UBAP2: variants seen among roughly 807,000 people sequenced by gnomAD.
The protein encoded by UBAP2 is ubiquitin associated protein 2, also known as ubiquitin-associated protein 2.
A neutral mutation model predicts 139.6 loss-of-function variants in UBAP2; 75 were observed. The ratio of observed to expected loss-of-function variants is 0.54; its 90% CI spans 0.45 to 0.65. UBAP2 has a LOEUF of 0.65. Among genes scored for constraint, UBAP2 ranks in the 30% least tolerant of loss-of-function variants. UBAP2 has a pLI of 0.00. For synonymous variants in UBAP2, 526 were observed against 526.2 expected (o/e 1.00, Z 0.01); for missense variants, 1,368 against 1,369.6 (o/e 1.00, Z 0.02).
intron 6 of UBAP2, among the ~76,000 whole-genome samples, chr9:33,975,187 T>G (rs751530362): frequency 4.0e-5 from 6 of 151,512 alleles, no homozygotes; most frequent in Non-Finnish European, 7.4e-5. Flanking sequence ...ATCCCAGCAC[T>G]TTGGGAGGCC....
intron 1 of UBAP2, among the ~76,000 whole-genome samples, chr9:34,043,320 C>G (rs1280790290): frequency 6.6e-6 from 1 of 151,798 alleles, no homozygotes; most frequent in Non-Finnish European, 1.5e-5. Context: ...TACAAGCACA[C>G]CATGCCCAGC....
At chr9:33,935,793 T>C (rs781235654) in intron 17 of UBAP2, 46 bp downstream of exon 17, 4 of 1,611,388 alleles carry the variant, frequency 2.5e-6, no homozygotes, top group Non-Finnish European at 2.5e-6. Flanking sequence ...CTTCCTCTGT[T>C]TGGTTGGCAC....
At chr9:33,931,444 T>A (rs773025266) in intron 19 of UBAP2, among the ~76,000 whole-genome samples, 1 of 152,052 alleles carries the variant, frequency 6.6e-6, no homozygotes, top group Non-Finnish European at 1.5e-5. Context: ...CAGCTCCCCA[T>A]GAGTGCAGGA....
At chr9:33,926,706 A>G in intron 21 of UBAP2, 42 bp from the exon 22 acceptor site, 1 of 1,609,948 alleles carries the variant, frequency 6.2e-7, no homozygotes, top group Non-Finnish European at 8.5e-7. Flanking sequence ...ACCACATACC[A>G]CACCCTGGGA....
chr9:34,013,433 G>C, intron 2 of UBAP2, among the ~76,000 whole-genome samples: 1 of 151,510 alleles, frequency 6.6e-6, no homozygotes, highest in South Asian at 2.1e-4. Flanking sequence ...AGAGGTTGCA[G>C]TGAGCTGACA....
chr9:33,999,931 T>C (rs1822555645), intron 2 of UBAP2, among the ~76,000 whole-genome samples: 1 of 151,332 alleles, frequency 6.6e-6, no homozygotes, highest in Admixed American at 6.6e-5. Context: ...AGTCACACTC[T>C]GTCGCCCAGG....
intron 15 of UBAP2, 23 bp from the exon 16 acceptor site, chr9:33,941,885 A>G: frequency 6.4e-7 from 1 of 1,572,316 alleles, no homozygotes; most frequent in Non-Finnish European, 8.7e-7. Context: ...AAAAATATTC[A>G]ACATAATTTT....
chr9:33,956,140 C>A lies in UBAP2; in HGVS notation c.805G>T (p.Glu269Ter). ...TTEDWTEDLSETKVFTASSAP... is the reference protein window; with the variant it reads ...TTEDWTEDLS The stretch of plus-strand genomic sequence containing the variant: ...GATGAGGCAGTGAAGACCTTTGTTT[C>A]AGAAAGCTGTATGGAAAGTTGAAAA... The change falls in exon 11 of 29, where the codon GAA becomes TAA. Residue 269 changes from glutamate (E) to a stop codon, truncating the protein, a stop_gained. Coordinates refer to ENST00000379238, the MANE Select transcript of UBAP2 (RefSeq NM_001370062.2). LOFTEE classifies it high-confidence loss of function. 6.2e-7 allele frequency: 1 copy of A among 1,613,408 alleles called. No homozygotes were observed.
intron 8 of UBAP2, among the ~76,000 whole-genome samples, chr9:33,970,928 G>A (rs1400530319): frequency 6.6e-6 from 1 of 151,974 alleles, no homozygotes; most frequent in Non-Finnish European, 1.5e-5. Flanking sequence ...TCAGCCTCCC[G>A]AGTAGCTGGG....
rs1183039231 is a variant in UBAP2 at position 33,921,893 on chromosome 9, C to T, written c.*611G>A. The T allele has an allele frequency of 6.6e-6, 1 of 151,842 alleles. No homozygotes were observed. The highest frequency in any genetic ancestry group is 6.6e-5 in the Admixed American group (1 of 15,210). The allele number at this position is 151,842 out of a possible 1,614,324, so 9.4% of individuals were successfully genotyped here. ...CCAGTCTCTAGTAAGTCTCTAGGGACATGACCAGACCAGAAGCCCCTGTTC... is the reference window on the plus strand; with the variant it reads ...CCAGTCTCTAGTAAGTCTCTAGGGATATGACCAGACCAGAAGCCCCTGTTC... On this transcript the variant is annotated 3_prime_UTR_variant, in exon 29 of 29. Coordinates refer to ENST00000379238, the MANE Select transcript of UBAP2 (RefSeq NM_001370062.2).
intron 1 of UBAP2, among the ~76,000 whole-genome samples, chr9:34,040,565 G>A (rs572455348): frequency 6.6e-6 from 1 of 152,196 alleles, no homozygotes; most frequent in East Asian, 1.9e-4. Context: ...AGCCAACATA[G>A]CGATACACTC....
At chr9:33,930,801 C>A (rs900467893) in intron 19 of UBAP2, among the ~76,000 whole-genome samples, 1 of 147,178 alleles carries the variant, frequency 6.8e-6, no homozygotes, top group East Asian at 2.0e-4. Context: ...GAGACTGAGG[C>A]AGGAGGATCG....
chr9:33,956,665 G>A (rs1412485539), intron 10 of UBAP2, among the ~76,000 whole-genome samples: 1 of 151,996 alleles, frequency 6.6e-6, no homozygotes, highest in East Asian at 1.9e-4. Context: ...AGGCCTACAA[G>A]AATGACTTCA....
At chr9:33,988,649 G>A (rs1347937504) in intron 5 of UBAP2, among the ~76,000 whole-genome samples, 1 of 152,058 alleles carries the variant, frequency 6.6e-6, no homozygotes, top group Non-Finnish European at 1.5e-5. Flanking sequence ...ATAACAGAAG[G>A]GAGTCATCAC....
At chr9:33,961,936 G>A (rs534956626) in intron 9 of UBAP2, among the ~76,000 whole-genome samples, 2 of 152,290 alleles carry the variant, frequency 1.3e-5, no homozygotes, top group African/African-American at 4.8e-5. Context: ...ATTTCAGATT[G>A]GGGTGGCTCT....
chr9:33,955,537 CA>C (rs1193402437), intron 11 of UBAP2, among the ~76,000 whole-genome samples: 1 of 140,512 alleles, frequency 7.1e-6, no homozygotes, highest in Admixed American at 7.1e-5. Flanking sequence ...CAAAACAAAA[CA>C]AAAAAAAGGG....
At chr9:33,935,650 T>G in intron 17 of UBAP2, 189 bp downstream of exon 17, 1 of 654,430 alleles carries the variant, frequency 1.5e-6, no homozygotes, top group Non-Finnish European at 2.7e-6. Flanking sequence ...ACCACCTCCT[T>G]CTTGCTGTGG....
chr9:33,958,176 G>A (rs1826724633), intron 10 of UBAP2, among the ~76,000 whole-genome samples: 1 of 152,052 alleles, frequency 6.6e-6, no homozygotes, highest in Non-Finnish European at 1.5e-5. Context: ...TGCCCAGGCT[G>A]CACTTGATCT....
chr9:33,977,608 T>G (rs1313808245), intron 6 of UBAP2, among the ~76,000 whole-genome samples: 1 of 151,996 alleles, frequency 6.6e-6, no homozygotes, highest in Admixed American at 6.6e-5. Flanking sequence ...GTAAATGCTG[T>G]ACCTTTCCTC....
Sources: allele counts gnomAD v4.1 joint callset (sites outside exome capture counted in the v4.1 genomes callset), GRCh38; gene constraint gnomAD v4.1.1; transcripts MANE v1.5; gene names NCBI Gene and HGNC (gene_info 2026-07-23, HGNC 2026-07-21).